ACACA: variants seen among roughly 807,000 people sequenced by gnomAD.
ACACA encodes acetyl-CoA carboxylase 1.
A neutral mutation model predicts 296.1 loss-of-function variants in ACACA; 103 were observed. The observed-to-expected ratio is 0.35, with a 90% CI of 0.30 to 0.41. The LOEUF is 0.41. Ranked by LOEUF, ACACA falls within the 10% of genes least tolerant of loss-of-function variation. The pLI, the probability that ACACA is intolerant of heterozygous loss-of-function variation, is 1.00. For synonymous variants in ACACA, 953 were observed against 1,038.6 expected (o/e 0.92, Z 1.58); for missense variants, 1,554 against 2,989.7 (o/e 0.52, Z 11.20).
intron 50 of ACACA, among the ~76,000 whole-genome samples, chr17:37,116,520 C>A (rs1426092389): frequency 1.3e-5 from 2 of 152,142 alleles, no homozygotes; most frequent in Non-Finnish European, 2.9e-5. Context: ...TATTTTTCGG[C>A]CCCAAGACTG....
chr17:37,144,856 A>G (rs1240865452), intron 45 of ACACA, among the ~76,000 whole-genome samples: 2 of 152,110 alleles, frequency 1.3e-5, no homozygotes, highest in Non-Finnish European at 2.9e-5. Flanking sequence ...AAATACAAGA[A>G]AAGTCACATA....
At chr17:37,213,222 A>C (rs2078834103) in intron 29 of ACACA, among the ~76,000 whole-genome samples, 1 of 151,738 alleles carries the variant, frequency 6.6e-6, no homozygotes, top group African/African-American at 2.4e-5. Flanking sequence ...GTGGTGGCAC[A>C]CAGTACACCT....
At chr17:37,292,618 G>A (rs1319812696) in intron 3 of ACACA, among the ~76,000 whole-genome samples, 1 of 152,256 alleles carries the variant, frequency 6.6e-6, no homozygotes, top group African/African-American at 2.4e-5. Flanking sequence ...CACTTCGGGA[G>A]GCCAAGGTGA....
rs114926689 is a variant in ACACA, at chr17:37,400,431, T to C, written c.38+5831A>G. ...CACAGTGCCTGGCCTCAAGTATATA[T>C]TTTTAACTATAGTCACCATATAGTA... is the stretch of plus-strand genomic sequence containing the variant. On this transcript the variant is annotated intron_variant, in intron 1 of 55. Coordinates refer to ENST00000616317, the MANE Select transcript of ACACA (RefSeq NM_198834.3). Among the ~76,000 whole-genome samples, 323 of 152,254 alleles carry C rather than the reference T, an allele frequency of 2.1e-3. 1 individual carries two copies. The highest frequency in any genetic ancestry group is 7.6e-3 in the African/African-American group (314 of 41,542).
In ACACA at chr17:37,244,614, G is replaced by A. The variant is rs757477086; in HGVS notation, c.2716C>T (p.Leu906Phe). The A allele has an allele frequency of 6.2e-7, 1 of 1,614,142 alleles. No individual in the cohort carries two copies. Among genetic ancestry groups the A allele is most frequent in the South Asian group, 1.1e-5 (1 of 91,084 alleles). ...NLVNVMNGYC[L>F]PDPFFSSKVK... ...TTGCTGCTAAAGAAAGGATCTGGAA[G>A]GCAGTATCCATTCATTACATTGACC... Residue 906 changes from leucine (L) to phenylalanine (F), a missense_variant, in exon 21 of 56, where the codon CTT (leucine) becomes TTT (phenylalanine). Leu to Phe is a conservative substitution (Grantham distance 22). Around this residue, in one of 16 missense-constraint regions of ACACA, gnomAD observed 316 missense variants for 540.9 expected, o/e 0.58. Coordinates refer to ENST00000616317, the MANE Select transcript of ACACA (RefSeq NM_198834.3).
intron 32 of ACACA, among the ~76,000 whole-genome samples, 162 bp from the exon 33 acceptor site, chr17:37,206,034 T>A (rs1263824266): frequency 6.6e-6 from 1 of 152,168 alleles, no homozygotes; most frequent in Non-Finnish European, 1.5e-5. Flanking sequence ...CACTGCCCAA[T>A]AGCCACAGAG....
chr17:37,313,797 G>C (rs1186411550), intron 3 of ACACA, among the ~76,000 whole-genome samples: 3 of 152,022 alleles, frequency 2.0e-5, no homozygotes, highest in African/African-American at 7.2e-5. Flanking sequence ...CAGTATGGAG[G>C]TTCCTCAAAA....
intron 50 of ACACA, among the ~76,000 whole-genome samples, chr17:37,116,183 G>T (rs1303331180): frequency 6.6e-6 from 1 of 152,086 alleles, no homozygotes; most frequent in Non-Finnish European, 1.5e-5. Context: ...TGTAGAGACG[G>T]GGTTTCACCA....
intron 41 of ACACA, among the ~76,000 whole-genome samples, chr17:37,178,731 G>A (rs1018232678): frequency 6.6e-6 from 1 of 152,076 alleles, no homozygotes; most frequent in Non-Finnish European, 1.5e-5. Flanking sequence ...AGACATGGAG[G>A]TCAAGGCTGC....
chr17:37,221,577 A>G, intron 29 of ACACA, 147 bp downstream of exon 29: 1 of 761,352 alleles, frequency 1.3e-6, no homozygotes, highest in Non-Finnish European at 2.4e-6. Flanking sequence ...GTGGGCACCA[A>G]AAGGCTCTTC....
chr17:37,390,333 T>TATAA (rs2050821780), intron 1 of ACACA, among the ~76,000 whole-genome samples: 1 of 92,156 alleles, frequency 1.1e-5, no homozygotes, highest in Non-Finnish European at 2.0e-5. Flanking sequence ...TATATATATA[T>TATAA]AAAAGGCCAG....
intron 1 of ACACA, among the ~76,000 whole-genome samples, chr17:37,358,555 T>C (rs1162044301): frequency 4.6e-5 from 7 of 152,188 alleles, no homozygotes; most frequent in Non-Finnish European, 8.8e-5. Context: ...GAGAAAGGAC[T>C]TTCAATGCAA....
intron 45 of ACACA, among the ~76,000 whole-genome samples, chr17:37,131,255 A>G (rs1222952577): frequency 1.3e-5 from 2 of 152,180 alleles, no homozygotes; most frequent in African/African-American, 4.8e-5. Context: ...GAAGAAAAAA[A>G]GAGGAAGAAA....
chr17:37,217,658 C>G lies in ACACA; in HGVS notation c.3683+4066G>C, dbSNP rs186683784. ...GCTGAGGCAGGATAATCGCTTGAAC[C>G]CAGGAGGCAGAGCTTGCAGTGAGCC... On this transcript the variant is annotated intron_variant, in intron 29 of 55. Transcript: ENST00000616317. Among the ~76,000 whole-genome samples, 14 of 149,688 alleles carry G rather than the reference C, an allele frequency of 9.4e-5. No homozygotes were observed. The East Asian group carries it at 1.2e-3, about 13-fold the overall frequency.
intron 52 of ACACA, among the ~76,000 whole-genome samples, 163 bp from the exon 53 acceptor site, chr17:37,098,147 T>C (rs999108648): frequency 2.0e-5 from 3 of 152,292 alleles, no homozygotes; most frequent in African/African-American, 7.2e-5. Context: ...AACAGGGCCC[T>C]ACAAGATGCC....
chr17:37,088,006 G>A (rs2072335638), intron 55 of ACACA, among the ~76,000 whole-genome samples: 2 of 152,194 alleles, frequency 1.3e-5, no homozygotes, highest in South Asian at 4.1e-4. Flanking sequence ...TTATACGGTA[G>A]AGAAATGGAG....
At chr17:37,089,283 T>C (rs1027423284) in intron 54 of ACACA, among the ~76,000 whole-genome samples, 1 of 152,230 alleles carries the variant, frequency 6.6e-6, no homozygotes, top group Non-Finnish European at 1.5e-5. Flanking sequence ...GACACAGGTG[T>C]ACACCTGAAG....
At chr17:37,190,988 T>C in intron 38 of ACACA, 132 bp downstream of exon 38, 2 of 1,130,256 alleles carry the variant, frequency 1.8e-6, no homozygotes, top group Non-Finnish European at 2.6e-6. Flanking sequence ...AAACATTCTA[T>C]AAACTTTACA....
chr17:37,297,296 C>T (rs7406300), intron 3 of ACACA, among the ~76,000 whole-genome samples: 18,916 of 150,836 alleles, frequency 0.13, 1,792 homozygotes, highest in East Asian at 0.45. Flanking sequence ...ACAAAATTAG[C>T]GGGGCATAGT....
Sources: gnomAD v4.1 joint callset for allele counts (sites outside exome capture counted in the v4.1 genomes callset) on GRCh38, gnomAD v4.1.1 for gene constraint, gnomAD v4.1.1 regional missense constraint, MANE v1.5 for transcripts, NCBI Gene and HGNC (gene_info 2026-07-23, HGNC 2026-07-21) for gene names.